The following SETX variants were observed in gnomAD, a reference collection of about 807,000 sequenced individuals.
SETX encodes helicase senataxin.
A neutral mutation model predicts 227.2 loss-of-function variants in SETX; 90 were observed. That is an observed-to-expected ratio of 0.40 (90% CI 0.33 to 0.47). The LOEUF is 0.47. Among genes scored for constraint, SETX ranks in the 20% least tolerant of loss-of-function variants. The pLI, the probability that SETX is intolerant of heterozygous loss-of-function variation, is 0.91. For synonymous variants in SETX, 1,210 were observed against 1,113.2 expected, an observed-to-expected ratio of 1.09 and a Z score of -1.73; for missense variants, 3,052 against 3,181.5, an observed-to-expected ratio of 0.96 and a Z score of 0.98.
At chr9:132,284,646 G>C (rs1023820359) in intron 18 of SETX, among the ~76,000 whole-genome samples, 3 of 152,144 alleles carry the variant, frequency 2.0e-5, no homozygotes, top group Non-Finnish European at 4.4e-5. Context: ...AATGTTACAG[G>C]AGTCTTATGA....
In SETX at chr9:132,327,810, C is replaced by G. The variant is rs746130341; in HGVS notation, c.3788G>C (p.Arg1263Thr). 3.1e-6 allele frequency: 5 copies of G among 1,614,150 alleles called. No individual in the cohort carries two copies. Among genetic ancestry groups the G allele is most frequent in the Non-Finnish European group, 4.2e-6 (5 of 1,180,040 alleles). The stretch of plus-strand genomic sequence containing the variant: ...TGGCGGCACTATAGCAGGAGTTGTT[C>G]TACAACTTAGGTAATTTGAACTTCT... The part of the protein sequence containing the change: ...QNRSSNYLSC[R>T]TTPAIVPPKK... Residue 1263 changes from arginine to threonine, a missense_variant, in exon 10 of 26, where the codon AGA becomes ACA. Physicochemically the swap from Arg to Thr is moderately conservative, Grantham distance 71 (BLOSUM62 -1). Coordinates refer to ENST00000224140, the MANE Select transcript of SETX (RefSeq NM_015046.7).
chr9:132,291,753 G>T (rs1392508997), intron 15 of SETX, among the ~76,000 whole-genome samples: 1 of 152,050 alleles, frequency 6.6e-6, no homozygotes, highest in African/African-American at 2.4e-5. Flanking sequence ...CATTCTTGAG[G>T]TATAATTTAC....
intron 3 of SETX, among the ~76,000 whole-genome samples, chr9:132,347,636 C>A (rs1249544509): frequency 6.6e-6 from 1 of 150,806 alleles, no homozygotes; most frequent in African/African-American, 2.4e-5. Flanking sequence ...TAGAAGTTTT[C>A]TATAAATATC....
Position 132,329,049 on chromosome 9 carries a change from T to C in SETX, c.2549A>G (p.Asp850Gly), listed in dbSNP as rs779815001. Residue 850 changes from aspartate to glycine, a missense_variant, in exon 10 of 26, where the codon GAT becomes GGT. Asp to Gly is a moderately conservative substitution (Grantham distance 94, BLOSUM62 -1). This residue lies in a region of SETX where 1,483 missense variants were observed against 1,312.0 expected (regional missense o/e 1.13). Transcript: ENST00000224140. ...NLSLDPSGVL[D>G]DKNGEQKSQN... ...AGATTTTTGTTCTCCATTCTTATCA[T>C]CCAGAACACCACTAGGGTCTAAAGA... 2 of 1,609,226 alleles carry C rather than the reference T, an allele frequency of 1.2e-6. No individual in the cohort carries two copies. Among genetic ancestry groups the C allele is most frequent in the South Asian group, 1.1e-5 (1 of 90,808 alleles).
At chr9:132,352,558 C>G (rs1848657187) in intron 2 of SETX, among the ~76,000 whole-genome samples, 1 of 152,208 alleles carries the variant, frequency 6.6e-6, no homozygotes, top group African/African-American at 2.4e-5. Context: ...CAAGACCATC[C>G]TGGCCAACAT....
rs190071756 is a variant in SETX at position 132,285,751 on chromosome 9, A to C, written c.6396+672T>G. ...AAAATTTAGTCGGGCGTGGTGGCGC[A>C]CACCTGTAGTCCCAGCTACTCGGGA... On this transcript the variant is annotated intron_variant, in intron 18 of 25. Transcript: ENST00000224140. 3.9e-3 allele frequency among the ~76,000 whole-genome samples: 593 copies of C among 151,000 alleles called. 2 individuals carry two copies. Among genetic ancestry groups the C allele is most frequent in the Non-Finnish European group, 6.4e-3 (434 of 67,970 alleles).
intron 17 of SETX, among the ~76,000 whole-genome samples, chr9:132,286,934 T>C (rs1172543351): frequency 6.6e-6 from 1 of 152,196 alleles, no homozygotes; most frequent in Non-Finnish European, 1.5e-5. Flanking sequence ...AGAGAAAGAC[T>C]TTCTCTCCCT....
intron 2 of SETX, 134 bp from the exon 3 acceptor site, chr9:132,349,569 C>T (rs551139655): frequency 2.3e-4 from 199 of 849,100 alleles, no homozygotes; most frequent in Non-Finnish European, 3.1e-4. Context: ...CTTCTGCTGG[C>T]TGGCTTATCA....
chr9:132,300,573 GATT>G (rs1400586687), intron 12 of SETX, 54 bp downstream of exon 12: 18 of 1,546,986 alleles, frequency 1.2e-5, no homozygotes, highest in Non-Finnish European at 1.5e-5. Flanking sequence ...TTGAGAAGTA[GATT>G]ATTAGATGAG....
intron 11 of SETX, among the ~76,000 whole-genome samples, chr9:132,310,922 G>T (rs537541585): frequency 6.6e-6 from 1 of 152,218 alleles, no homozygotes; most frequent in East Asian, 1.9e-4. Flanking sequence ...TTTATTGTAA[G>T]AATACAGTAC....
chr9:132,269,164 C>T (rs531408794), intron 25 of SETX, among the ~76,000 whole-genome samples: 14 of 152,346 alleles, frequency 9.2e-5, no homozygotes, highest in African/African-American at 2.9e-4. Context: ...AGAAGAATGC[C>T]GGAGGCGCTA....
rs1387948658 is a variant in SETX, at chr9:132,354,971, G to A, written c.-169C>T. ...CACCTCCATACCGGGCCCCGCTCTA[G>A]GCCACCAGCGGAAGTGCGGGCCCGC... On this transcript the variant is annotated 5_prime_UTR_variant, in exon 1 of 26. Coordinates refer to ENST00000224140, the MANE Select transcript of SETX (RefSeq NM_015046.7). 1 of 152,268 alleles carries A rather than the reference G, an allele frequency of 6.6e-6. No individual in the cohort carries two copies. The highest frequency in any genetic ancestry group is 1.5e-5 in the Non-Finnish European group (1 of 68,108). 9.4% of individuals were successfully genotyped at this position (152,268 alleles called of 1,614,324 possible). A position where few individuals can be genotyped will look rare whatever the true frequency, so the allele number is the denominator to read the frequency against.
chr9:132,349,731 T>C (rs1295178939), intron 2 of SETX, among the ~76,000 whole-genome samples: 1 of 151,998 alleles, frequency 6.6e-6, no homozygotes, highest in African/African-American at 2.4e-5. Context: ...CGATAGAAAA[T>C]ATATAGAGAC....
intron 2 of SETX, among the ~76,000 whole-genome samples, chr9:132,352,995 G>A (rs520440): frequency 1 from 151,704 of 152,302 alleles, 75,558 homozygotes; most frequent in East Asian, 1. Flanking sequence ...CCTTAGTTCA[G>A]TACATTTTCA....
At chr9:132,332,568 A>G (rs537525643) in intron 7 of SETX, among the ~76,000 whole-genome samples, 1 of 152,264 alleles carries the variant, frequency 6.6e-6, no homozygotes, top group Admixed American at 6.5e-5. Context: ...TAAGCTCACA[A>G]GAAACAAAGT....
At position 132,274,953 on chromosome 9, in the gene SETX, A is replaced by C. The variant is rs920671441; in HGVS notation, c.7100+303T>G. The C allele has an allele frequency of 8.1e-6, 3 of 371,124 alleles. No homozygotes were observed. In the Admixed American group the frequency reaches 1.3e-4, roughly 16 times the overall value. The allele number at this position is 371,124 out of a possible 1,614,324, so 23.0% of individuals were successfully genotyped here. ...TTATTTAAAGTGAAATGTTACTTTT[A>C]GTCTTGCTAGAACAAGAATTCAGAT... On this transcript the variant is annotated intron_variant, in intron 23 of 25. Coordinates refer to ENST00000224140, the MANE Select transcript of SETX (RefSeq NM_015046.7).
chr9:132,272,032 G>A (rs929159737), intron 23 of SETX, among the ~76,000 whole-genome samples: 4 of 151,908 alleles, frequency 2.6e-5, no homozygotes, highest in African/African-American at 7.3e-5. Context: ...ACAGGTGCCC[G>A]CCACCATGCC....
chr9:132,318,585 C>T (rs1241859612), intron 10 of SETX, among the ~76,000 whole-genome samples: 2 of 152,150 alleles, frequency 1.3e-5, no homozygotes, highest in Non-Finnish European at 2.9e-5. Context: ...TAAGTCTACC[C>T]TGATACTTAC....
chr9:132,321,642 G>A lies in SETX; in HGVS notation c.5274+4682C>T, dbSNP rs535909585. ...ACTGCACTCCAGCCTGGGCAACAGA[G>A]CGATACTGTCTCAAAAAAAAAAAAA... On this transcript the variant is annotated intron_variant, in intron 10 of 25. Coordinates refer to ENST00000224140, the MANE Select transcript of SETX (RefSeq NM_015046.7). Among the ~76,000 whole-genome samples the A allele has an allele frequency of 7.3e-5, 9 of 122,766 alleles. No individual in the cohort carries two copies. In the South Asian group the frequency reaches 2.5e-3, roughly 35 times the overall value. 80.5% of individuals were successfully genotyped at this position (122,766 alleles called of 152,430 possible). A position where few individuals can be genotyped will look rare whatever the true frequency, so the allele number is the denominator to read the frequency against.
Sources: gnomAD v4.1 joint callset for allele counts (sites outside exome capture counted in the v4.1 genomes callset) on GRCh38, gnomAD v4.1.1 for gene constraint, gnomAD v4.1.1 regional missense constraint, MANE v1.5 for transcripts, NCBI Gene and HGNC (gene_info 2026-07-23, HGNC 2026-07-21) for gene names.